PUM1: variants seen among roughly 807,000 people sequenced by gnomAD.
PUM1 encodes pumilio homolog 1.
In PUM1, 13 loss-of-function variants were observed where a neutral mutation model predicts 131.8. That is an observed-to-expected ratio of 0.10 (90% confidence interval 0.06 to 0.16). The LOEUF (loss-of-function observed/expected upper bound fraction) is 0.16, where lower values mean the gene tolerates loss of function less well. PUM1 is among the 10% of genes least tolerant of loss of function. The pLI is 1.00. For missense variants in PUM1, 961 were observed against 1,512.4 expected, an observed-to-expected ratio of 0.64 and a Z score of 6.05; for synonymous variants, 509 against 556.5, an observed-to-expected ratio of 0.91 and a Z score of 1.20.
intron 9 of PUM1, among the ~76,000 whole-genome samples, chr1:30,975,884 AC>A (rs764648078): frequency 2.0e-5 from 3 of 151,988 alleles, no homozygotes; most frequent in Non-Finnish European, 4.4e-5. Flanking sequence ...GGAGTTCGAG[AC>A]CAGCCTGGCC....
rs1638994339 is a variant in PUM1 at position 30,932,235 on chromosome 1, G to C, written c.*976C>G. Reference sequence around the variant, plus strand: ...AAACTTCTCCACATTTACATTACAGGTATACAAATGTACAATTGTACAATC... The same window carrying C: ...AAACTTCTCCACATTTACATTACAGCTATACAAATGTACAATTGTACAATC... On this transcript the variant is annotated 3_prime_UTR_variant, in exon 22 of 22. Coordinates refer to ENST00000426105, the MANE Select transcript of PUM1 (RefSeq NM_001020658.2). The C allele has an allele frequency of 1.3e-5, 2 of 152,564 alleles. No individual in the cohort carries two copies. Among genetic ancestry groups the C allele is most frequent in the Admixed American group, 1.3e-4 (2 of 15,282 alleles). 9.5% of individuals were successfully genotyped at this position (152,564 alleles called of 1,614,324 possible). A position where few individuals can be genotyped will look rare whatever the true frequency, so the allele number is the denominator to read the frequency against.
chr1:30,954,842 G>A (rs1365057861), intron 14 of PUM1, among the ~76,000 whole-genome samples: 3 of 151,958 alleles, frequency 2.0e-5, no homozygotes, highest in Non-Finnish European at 4.4e-5. Flanking sequence ...GCAGGAGGAT[G>A]GCTTGAGCCT....
At chr1:31,009,121 T>G (rs1570262455) in intron 3 of PUM1, among the ~76,000 whole-genome samples, 2 of 148,578 alleles carry the variant, frequency 1.3e-5, no homozygotes, top group Admixed American at 6.7e-5. Context: ...AGTGGGAGGG[T>G]GCGGTGAGCT....
intron 3 of PUM1, among the ~76,000 whole-genome samples, chr1:31,013,104 C>T (rs557586959): frequency 7.9e-4 from 120 of 152,174 alleles, no homozygotes; most frequent in Non-Finnish European, 1.4e-3. Flanking sequence ...CAATGAAATG[C>T]TCCTATGTCA....
intron 5 of PUM1, among the ~76,000 whole-genome samples, chr1:31,002,071 G>A (rs1488718247): frequency 2.0e-5 from 3 of 152,134 alleles, no homozygotes. Context: ...ATGCTACACA[G>A]CCGTATGAAT....
rs1173310885 is a variant in PUM1, at chr1:31,028,880, G to A, written c.364-16C>T. The stretch of plus-strand genomic sequence containing the variant: ...TGGAACGCACCTATTGTTTAGAATA[G>A]AGAAGGAAAAATCTTCAAGTCAGCA... On this transcript the variant is annotated splice_polypyrimidine_tract_variant and intron_variant, in intron 2 of 21. Coordinates refer to ENST00000426105, the MANE Select transcript of PUM1 (RefSeq NM_001020658.2). The A allele has an allele frequency of 6.2e-7, 1 of 1,606,024 alleles. No homozygotes were observed. The highest frequency in any genetic ancestry group is 8.5e-7 in the Non-Finnish European group (1 of 1,173,088).
intron 14 of PUM1, among the ~76,000 whole-genome samples, chr1:30,957,759 GC>G (rs1202287395): frequency 1.3e-5 from 2 of 152,206 alleles, no homozygotes; most frequent in Non-Finnish European, 2.9e-5. Context: ...AATGGGCAAA[GC>G]CCTGCCTTCC....
intron 7 of PUM1, among the ~76,000 whole-genome samples, chr1:30,986,086 C>T (rs1401990548): frequency 6.6e-6 from 1 of 152,144 alleles, no homozygotes; most frequent in Admixed American, 6.5e-5. Context: ...TCTGGAGTAG[C>T]TGGGATTACA....
chr1:30,971,773 C>A (rs1008648845), intron 10 of PUM1, among the ~76,000 whole-genome samples: 2 of 152,150 alleles, frequency 1.3e-5, no homozygotes, highest in African/African-American at 4.8e-5. Flanking sequence ...ATTACATGTA[C>A]AGCACTTAAC....
chr1:31,001,259 C>CT (rs1463601950), intron 5 of PUM1, among the ~76,000 whole-genome samples: 2 of 152,088 alleles, frequency 1.3e-5, no homozygotes, highest in African/African-American at 2.4e-5. Flanking sequence ...GTCCCAGCTA[C>CT]TGGGGAGGCA....
intron 3 of PUM1, among the ~76,000 whole-genome samples, chr1:31,015,982 C>A (rs1642804007): frequency 1.3e-5 from 2 of 152,078 alleles, no homozygotes; most frequent in Admixed American, 1.3e-4. Flanking sequence ...CACTTCAATA[C>A]AATTTCAAAA....
intron 4 of PUM1, among the ~76,000 whole-genome samples, chr1:31,006,421 G>C: frequency 6.6e-6 from 1 of 152,066 alleles, no homozygotes; most frequent in East Asian, 1.9e-4. Flanking sequence ...TCATCATGAG[G>C]TTCCATGCTT....
Position 31,053,417 on chromosome 1 carries a change from A to C in PUM1, c.363+5787T>G, listed in dbSNP as rs1644159824. ...CCGAAGACCTCAGTTTGGCCCAAAA[A>C]TGAGGGCTCTCTGCCGGGCGCAGTG... is the stretch of plus-strand genomic sequence containing the variant. On this transcript the variant is annotated intron_variant, in intron 2 of 21. Transcript: ENST00000426105. 2.0e-5 allele frequency among the ~76,000 whole-genome samples: 3 copies of C among 150,244 alleles called. No homozygotes were observed. In the South Asian group the frequency reaches 6.5e-4, roughly 32 times the overall value.
Position 30,933,282 on chromosome 1 carries a change from G to A in PUM1, c.3496C>T (p.Leu1166=), listed in dbSNP as rs1639032184. Residue 1166 remains leucine (L), a synonymous_variant, in exon 22 of 22, where the codon CTG becomes TTG. Coordinates refer to ENST00000426105, the MANE Select transcript of PUM1 (RefSeq NM_001020658.2). ...YTYGKHILAK[L]EKYYMKNGVD... ...CCGTTCTTCATGTAGTACTTCTCCA[G>A]CTTGGCCAGAATGTGCTTGCCATAG... 1 of 1,613,548 alleles carries A rather than the reference G, an allele frequency of 6.2e-7. No individual in the cohort carries two copies. The highest frequency in any genetic ancestry group is 8.5e-7 in the Non-Finnish European group (1 of 1,179,738).
rs148728054 is a variant in PUM1 at position 31,000,969 on chromosome 1, G to A, written c.720+4884C>T. Reference sequence around the variant, plus strand: ...TGGGAGGCTGAGGCGGGCGGATCACGAGGTCAGGAGAGCGAGACCATCCTG... The same window carrying A: ...TGGGAGGCTGAGGCGGGCGGATCACAAGGTCAGGAGAGCGAGACCATCCTG... On this transcript the variant is annotated intron_variant, in intron 5 of 21. Coordinates refer to ENST00000426105, the MANE Select transcript of PUM1 (RefSeq NM_001020658.2). 3.3e-5 allele frequency among the ~76,000 whole-genome samples: 5 copies of A among 152,102 alleles called. No homozygotes were observed. In the East Asian group the frequency reaches 7.8e-4, roughly 24 times the overall value.
chr1:30,972,851 G>C (rs1406762759), intron 10 of PUM1, among the ~76,000 whole-genome samples: 1 of 151,796 alleles, frequency 6.6e-6, no homozygotes, highest in South Asian at 2.1e-4. Flanking sequence ...AGGCCGAGAC[G>C]GGTGGATCAC....
At position 30,992,513 on chromosome 1, in the gene PUM1, G is replaced by A. The variant is rs374894377; in HGVS notation, c.1035C>T (p.Val345=). ...CCACATGTTCCATGGGGTCCAAGGG[G>A]ACACTCTGGGACTCCATGTTGGAGA... is the stretch of plus-strand genomic sequence containing the variant. ...EDFSNMESQS[V]PLDPMEHVGM... Residue 345 remains valine (V), a synonymous_variant, in exon 7 of 22, where the codon GTC becomes GTT. Transcript: ENST00000426105. 1.9e-6 allele frequency: 3 copies of A among 1,614,218 alleles called. No homozygotes were observed. Among genetic ancestry groups the A allele is most frequent in the Middle Eastern group, 3.3e-4 (2 of 6,060 alleles).
rs1181044217 is a variant in PUM1 at position 31,019,565 on chromosome 1, T to G, written c.432+9231A>C. Among the ~76,000 whole-genome samples, 5 of 152,216 alleles carry G rather than the reference T, an allele frequency of 3.3e-5. No homozygotes were observed. The East Asian group carries it at 9.6e-4, about 29-fold the overall frequency. On this transcript the variant is annotated intron_variant, in intron 3 of 21. Coordinates refer to ENST00000426105, the MANE Select transcript of PUM1 (RefSeq NM_001020658.2). Reference sequence around the variant, plus strand: ...TCATACTTTCATAAAGCAAGTCCATTAAAGAACATTCAGAAATACTGTTAG... The same window carrying G: ...TCATACTTTCATAAAGCAAGTCCATGAAAGAACATTCAGAAATACTGTTAG...
chr1:30,942,251 A>T, intron 18 of PUM1, 128 bp from the exon 19 acceptor site: 1 of 198,652 alleles, frequency 5.0e-6, no homozygotes, highest in Non-Finnish European at 8.2e-6. Flanking sequence ...TATCCCACTA[A>T]TCTTCACAAA....
Sources: allele counts gnomAD v4.1 joint callset (sites outside exome capture counted in the v4.1 genomes callset), GRCh38; gene constraint gnomAD v4.1.1; transcripts MANE v1.5; gene names NCBI Gene and HGNC (gene_info 2026-07-23, HGNC 2026-07-21).